Variants in PPFIA2 observed in about 807,000 individuals in gnomAD.
PPFIA2 encodes liprin-alpha-2.
In PPFIA2, 46 loss-of-function variants were observed where a neutral mutation model predicts 175.5. The observed-to-expected ratio is 0.26, with a 90% CI of 0.21 to 0.34. The LOEUF (loss-of-function observed/expected upper bound fraction) is 0.34, where lower values mean the gene tolerates loss of function less well. Among genes scored for constraint, PPFIA2 ranks in the 10% least tolerant of loss-of-function variants. PPFIA2 has a pLI of 1.00. For synonymous variants in PPFIA2, 568 were observed against 511.4 expected (o/e 1.11, Z -1.49); for missense variants, 1,179 against 1,506.1 (o/e 0.78, Z 3.60).
chr12:81,731,718 C>A (rs1028363073), intron 3 of PPFIA2, among the ~76,000 whole-genome samples: 1 of 151,644 alleles, frequency 6.6e-6, no homozygotes, highest in African/African-American at 2.4e-5. Flanking sequence ...CTGCCATATA[C>A]TATCTTTGCA....
rs1376271293 is a variant in PPFIA2 at position 81,623,715 on chromosome 12, T to C, written c.303+53076A>G. ...ACGTGTTAGCTAAGGATATTATGTT[T>C]TTGAGTTTTGAGTTTATTTTGAATA... On this transcript the variant is annotated intron_variant, in intron 4 of 32. Coordinates refer to ENST00000549396, the MANE Select transcript of PPFIA2 (RefSeq NM_003625.5). Among the ~76,000 whole-genome samples the C allele has an allele frequency of 3.3e-5, 5 of 152,070 alleles. No homozygotes were observed. In the East Asian group the frequency reaches 5.8e-4, roughly 18 times the overall value.
At chr12:81,505,441 G>A (rs866420407) in intron 4 of PPFIA2, among the ~76,000 whole-genome samples, 6 of 152,110 alleles carry the variant, frequency 3.9e-5, no homozygotes, top group African/African-American at 7.2e-5. Flanking sequence ...GTCAGAATCC[G>A]TTACTCTATT....
chr12:81,392,983 C>T (rs970045735), intron 8 of PPFIA2, among the ~76,000 whole-genome samples: 1 of 151,956 alleles, frequency 6.6e-6, no homozygotes, highest in Admixed American at 6.6e-5. Flanking sequence ...CATTGTCACC[C>T]TTGTCTGGGT....
At chr12:81,283,584 T>C (rs927591972) in intron 25 of PPFIA2, among the ~76,000 whole-genome samples, 4 of 152,100 alleles carry the variant, frequency 2.6e-5, no homozygotes, top group Non-Finnish European at 4.4e-5. Context: ...AACAAACTTG[T>C]AGATAATCAA....
chr12:81,554,070 A>AC (rs2068415445), intron 4 of PPFIA2, among the ~76,000 whole-genome samples: 1 of 152,064 alleles, frequency 6.6e-6, no homozygotes, highest in Non-Finnish European at 1.5e-5. Context: ...ACTAAATATC[A>AC]CAATATAAAT....
Position 81,330,322 on chromosome 12 carries a change from C to T in PPFIA2, c.2549-4452G>A, listed in dbSNP as rs77985956. Among the ~76,000 whole-genome samples, 1,385 of 152,182 alleles carry T rather than the reference C, an allele frequency of 9.1e-3. 27 individuals are homozygous for T. Among genetic ancestry groups the T allele is most frequent in the African/African-American group, 0.031 (1,296 of 41,518 alleles). ...CCTGTCCAACCTCTGACTGGTGGCA[C>T]GCTTGTTATTAATTTGAGTAGCCAA... On this transcript the variant is annotated intron_variant, in intron 21 of 32. Transcript: ENST00000549396.
chr12:81,369,494 C>T (rs978763461), intron 11 of PPFIA2: 6 of 1,175,130 alleles, frequency 5.1e-6, no homozygotes, highest in Non-Finnish European at 6.5e-6. Flanking sequence ...CAATCTTAAG[C>T]TCCTGAAGCA....
At chr12:81,479,844 T>C (rs1175980374) in intron 4 of PPFIA2, among the ~76,000 whole-genome samples, 1 of 152,168 alleles carries the variant, frequency 6.6e-6, no homozygotes, top group Non-Finnish European at 1.5e-5. Context: ...TAACATTTTT[T>C]CTTTCATTTC....
At chr12:81,580,789 G>A (rs2074285797) in intron 4 of PPFIA2, among the ~76,000 whole-genome samples, 1 of 151,582 alleles carries the variant, frequency 6.6e-6, no homozygotes, top group Non-Finnish European at 1.5e-5. Flanking sequence ...TGTGCTTTGT[G>A]CCCTTTGAGA....
intron 3 of PPFIA2, among the ~76,000 whole-genome samples, chr12:81,736,050 G>T (rs2153646915): frequency 6.6e-6 from 1 of 151,802 alleles, no homozygotes; most frequent in East Asian, 1.9e-4. Context: ...AATTATCCTT[G>T]GTCCTTTGTC....
At chr12:81,372,359 G>A (rs571096810) in intron 11 of PPFIA2, among the ~76,000 whole-genome samples, 4 of 151,204 alleles carry the variant, frequency 2.6e-5, no homozygotes, top group Middle Eastern at 3.4e-3. Flanking sequence ...AATGTCTGAG[G>A]GGTTATTAAG....
At chr12:81,578,419 TA>T (rs1267207226) in intron 4 of PPFIA2, among the ~76,000 whole-genome samples, 2 of 151,730 alleles carry the variant, frequency 1.3e-5, no homozygotes, top group Admixed American at 6.6e-5. Flanking sequence ...TTGTCTTTCA[TA>T]AAAAATTATC....
At chr12:81,276,702 A>T (rs2040619852) in intron 28 of PPFIA2, among the ~76,000 whole-genome samples, 1 of 152,120 alleles carries the variant, frequency 6.6e-6, no homozygotes, top group Non-Finnish European at 1.5e-5. Flanking sequence ...ACAAACCTGC[A>T]ATATGGAGTG....
Position 81,647,408 on chromosome 12 carries a change from G to C in PPFIA2, c.303+29383C>G, listed in dbSNP as rs561391270. Among the ~76,000 whole-genome samples, 15 of 152,220 alleles carry C rather than the reference G, an allele frequency of 9.9e-5. No individual in the cohort carries two copies. The East Asian group carries it at 1.5e-3, about 16-fold the overall frequency. ...ACAAATCATACATTCAAAAAGTTCAGAGAATTCTAAGAATGATAAGAGGAA... is the reference window on the plus strand; with the variant it reads ...ACAAATCATACATTCAAAAAGTTCACAGAATTCTAAGAATGATAAGAGGAA... On this transcript the variant is annotated intron_variant, in intron 4 of 32. Coordinates refer to ENST00000549396, the MANE Select transcript of PPFIA2 (RefSeq NM_003625.5).
At chr12:81,407,440 G>A (rs1356982132) in intron 7 of PPFIA2, among the ~76,000 whole-genome samples, 3 of 151,278 alleles carry the variant, frequency 2.0e-5, no homozygotes, top group South Asian at 2.1e-4. Context: ...CTGAGATTGC[G>A]CGACTGCACT....
At chr12:81,642,923 G>A (rs2065513592) in intron 4 of PPFIA2, among the ~76,000 whole-genome samples, 1 of 142,614 alleles carries the variant, frequency 7.0e-6, no homozygotes, top group African/African-American at 2.5e-5. Flanking sequence ...TGTAAAAAAT[G>A]TGTATATATA....
chr12:81,527,218 A>G (rs1294023577), intron 4 of PPFIA2, among the ~76,000 whole-genome samples: 1 of 152,152 alleles, frequency 6.6e-6, no homozygotes, highest in Non-Finnish European at 1.5e-5. Flanking sequence ...AGCATTGGGC[A>G]TCTGATGCAT....
At chr12:81,349,629 C>A (rs1434125775) in intron 17 of PPFIA2, among the ~76,000 whole-genome samples, 1 of 136,924 alleles carries the variant, frequency 7.3e-6, no homozygotes, top group Non-Finnish European at 1.5e-5. Context: ...AAAAATGACT[C>A]CTAGAAATTT....
chr12:81,382,927 G>A (rs184510992), intron 9 of PPFIA2, among the ~76,000 whole-genome samples: 28 of 152,138 alleles, frequency 1.8e-4, no homozygotes, highest in African/African-American at 6.7e-4. Context: ...AGGTCGGGGA[G>A]GAGAAATAGA....
Sources: gnomAD v4.1 joint callset for allele counts (sites outside exome capture counted in the v4.1 genomes callset) on GRCh38, gnomAD v4.1.1 for gene constraint, MANE v1.5 for transcripts, NCBI Gene and HGNC (gene_info 2026-07-23, HGNC 2026-07-21) for gene names.